Variants in SPOCK1 observed in about 807,000 individuals in gnomAD.
SPOCK1 encodes testican-1.
A neutral mutation model predicts 55.3 loss-of-function variants in SPOCK1; 23 were observed. That is an observed-to-expected ratio of 0.42 (90% CI 0.30 to 0.59). The LOEUF is 0.59. Among genes scored for constraint, SPOCK1 ranks in the 20% least tolerant of loss-of-function variants. The pLI, the probability that SPOCK1 is intolerant of heterozygous loss-of-function variation, is 0.22. For missense variants in SPOCK1, 499 were observed against 552.5 expected (o/e 0.90, Z 0.97); for synonymous variants, 226 against 221.0 (o/e 1.02, Z -0.20).
At chr5:137,230,899 T>TTCCATTTTCCTTTACCCAACCTCCCCAGA (rs1257673302) in intron 3 of SPOCK1, among the ~76,000 whole-genome samples, 181 of 97,412 alleles carry the variant, frequency 1.9e-3, no homozygotes, top group African/African-American at 3.2e-3. Context: ...CTTACAAAAC[T>TTCCATTTTCCTTTACCCAACCTCCCCAGA]AAGTATAACT....
chr5:137,454,283 C>A (rs973429634), intron 2 of SPOCK1, among the ~76,000 whole-genome samples: 15 of 152,142 alleles, frequency 9.9e-5, no homozygotes, highest in African/African-American at 3.6e-4. Flanking sequence ...GCCACCCCTA[C>A]ACCAACTCTG....
Position 137,160,564 on chromosome 5 carries a change from T to TTA in SPOCK1, c.233-19872_233-19871dup, listed in dbSNP as rs1554100827. 6.2e-4 allele frequency among the ~76,000 whole-genome samples: 42 copies of TTA among 67,322 alleles called. 4 individuals carry two copies. The East Asian group carries it at 0.027, about 44-fold the overall frequency. 44.2% of individuals were successfully genotyped at this position (67,322 alleles called of 152,430 possible). A position where few individuals can be genotyped will look rare whatever the true frequency, so the allele number is the denominator to read the frequency against. On this transcript the variant is annotated intron_variant, in intron 3 of 10. Transcript: ENST00000394945. Reference sequence around the variant, plus strand: ...TAATATATATAATATATATTATATATTATATATTATATAATATATATAATA... The same window carrying TTA: ...TAATATATATAATATATATTATATATTATATATATTATATAATATATATAATA...
intron 2 of SPOCK1, among the ~76,000 whole-genome samples, chr5:137,440,235 T>A (rs1580928462): frequency 6.6e-6 from 1 of 152,060 alleles, no homozygotes; most frequent in Non-Finnish European, 1.5e-5. Context: ...TATTTGTGTA[T>A]ATTCACAGAC....
At chr5:137,190,904 T>G (rs1026170526) in intron 3 of SPOCK1, among the ~76,000 whole-genome samples, 1 of 152,204 alleles carries the variant, frequency 6.6e-6, no homozygotes, top group Non-Finnish European at 1.5e-5. Context: ...TATGTATATT[T>G]TCTGAGCAAA....
At chr5:137,200,997 G>A (rs1181579383) in intron 3 of SPOCK1, among the ~76,000 whole-genome samples, 4 of 152,164 alleles carry the variant, frequency 2.6e-5, no homozygotes, top group Non-Finnish European at 4.4e-5. Context: ...CAACACAGCC[G>A]GGGATTTGTC....
chr5:137,433,735 C>T (rs1752798501), intron 2 of SPOCK1, among the ~76,000 whole-genome samples: 1 of 152,190 alleles, frequency 6.6e-6, no homozygotes, highest in Non-Finnish European at 1.5e-5. Flanking sequence ...TAGAACAAAG[C>T]TTCCCTTCCA....
At chr5:137,307,511 T>A (rs1187520189) in intron 2 of SPOCK1, among the ~76,000 whole-genome samples, 1 of 152,218 alleles carries the variant, frequency 6.6e-6, no homozygotes, top group Non-Finnish European at 1.5e-5. Flanking sequence ...TTTTTTTGTG[T>A]TCTGGTCCAT....
chr5:137,182,277 C>T (rs1027101775), intron 3 of SPOCK1, among the ~76,000 whole-genome samples: 2 of 152,142 alleles, frequency 1.3e-5, no homozygotes, highest in Non-Finnish European at 2.9e-5. Context: ...TAGCTTCCCT[C>T]ATCTACCTCA....
rs1307171963 is a variant in SPOCK1, at chr5:137,121,742, AGT to A, written c.348-9183_348-9182del. On this transcript the variant is annotated intron_variant, in intron 4 of 10. Transcript: ENST00000394945. ...TACCAGTATTCCTGGACATCATATAAGTGTGTGTGTATGTATTTTATATACAT... is the reference window on the plus strand; with the variant it reads ...TACCAGTATTCCTGGACATCATATAAGTGTGTGTATGTATTTTATATACAT... Among the ~76,000 whole-genome samples, 3 of 146,522 alleles carry A rather than the reference AGT, an allele frequency of 2.0e-5. 1 individual carries two copies. Among genetic ancestry groups the A allele is most frequent in the Non-Finnish European group, 4.5e-5 (3 of 66,804 alleles).
At chr5:137,308,472 G>A (rs1757736420) in intron 2 of SPOCK1, among the ~76,000 whole-genome samples, 1 of 152,216 alleles carries the variant, frequency 6.6e-6, no homozygotes, top group African/African-American at 2.4e-5. Context: ...AGCTTCCCCT[G>A]CTTTGAGGGG....
chr5:137,199,073 T>C (rs1395975993), intron 3 of SPOCK1, among the ~76,000 whole-genome samples: 1 of 152,218 alleles, frequency 6.6e-6, no homozygotes, highest in Non-Finnish European at 1.5e-5. Context: ...TAGTTCACTG[T>C]TCTGTCCATT....
intron 6 of SPOCK1, among the ~76,000 whole-genome samples, chr5:137,028,218 A>C (rs1751713424): frequency 6.6e-6 from 1 of 152,180 alleles, no homozygotes; most frequent in African/African-American, 2.4e-5. Flanking sequence ...TAGAAATTAC[A>C]GTATGAGGAC....
chr5:137,059,015 A>C (rs1189308305), intron 6 of SPOCK1, among the ~76,000 whole-genome samples: 1 of 152,240 alleles, frequency 6.6e-6, no homozygotes, highest in African/African-American at 2.4e-5. Flanking sequence ...TGTCTTGAAC[A>C]GGGGACTACA....
chr5:137,241,005 G>A (rs894179339), intron 3 of SPOCK1, among the ~76,000 whole-genome samples: 1 of 152,170 alleles, frequency 6.6e-6, no homozygotes, highest in Non-Finnish European at 1.5e-5. Flanking sequence ...AGGACAACTG[G>A]ATAGCATCTA....
intron 3 of SPOCK1, among the ~76,000 whole-genome samples, chr5:137,247,582 C>T (rs1302623133): frequency 6.6e-6 from 1 of 152,094 alleles, no homozygotes. Context: ...ATTTGCAGAG[C>T]ACTTTAAAAA....
intron 2 of SPOCK1, among the ~76,000 whole-genome samples, chr5:137,344,995 A>G (rs1358050594): frequency 2.0e-5 from 3 of 152,232 alleles, no homozygotes; most frequent in Admixed American, 2.0e-4. Flanking sequence ...AAAGAACCAC[A>G]CACGCTCTAC....
chr5:137,132,188 A>T (rs1236642986), intron 4 of SPOCK1, among the ~76,000 whole-genome samples: 1 of 148,038 alleles, frequency 6.8e-6, no homozygotes, highest in Non-Finnish European at 1.5e-5. Flanking sequence ...AAAAAAAAAA[A>T]AAAAAAAATC....
At chr5:137,332,440 C>A (rs906909655) in intron 2 of SPOCK1, among the ~76,000 whole-genome samples, 7 of 152,148 alleles carry the variant, frequency 4.6e-5, no homozygotes, top group African/African-American at 1.7e-4. Flanking sequence ...CACCCAGCCC[C>A]CAACAGAGCA....
intron 3 of SPOCK1, among the ~76,000 whole-genome samples, chr5:137,195,784 G>A (rs61009942): frequency 0.19 from 28,765 of 152,228 alleles, 3,056 homozygotes; most frequent in East Asian, 0.36. Flanking sequence ...TACATGACTG[G>A]TTGGCAGCAC....
Sources: allele counts gnomAD v4.1 joint callset (sites outside exome capture counted in the v4.1 genomes callset), GRCh38; gene constraint gnomAD v4.1.1; transcripts MANE v1.5; gene names NCBI Gene and HGNC (gene_info 2026-07-23, HGNC 2026-07-21).